FGF14: variants seen among roughly 807,000 people sequenced by gnomAD.
FGF14 encodes fibroblast growth factor 14, also known as fibroblast growth factor homologous factor 4.
Under a neutral mutation model 25.5 loss-of-function variants are expected in FGF14, and 5 were observed. The ratio of observed to expected loss-of-function variants is 0.20; its 90% CI spans 0.10 to 0.41. FGF14 has a LOEUF of 0.41. Ranked by LOEUF, FGF14 falls within the 10% of genes least tolerant of loss-of-function variation. FGF14 has a pLI of 1.00. For synonymous variants in FGF14, 138 were observed against 118.3 expected, an observed-to-expected ratio of 1.17 and a Z score of -1.08; for missense variants, 222 against 320.1, an observed-to-expected ratio of 0.69 and a Z score of 2.34.
At chr13:102,062,840 A>G (rs2042747657) in intron 1 of FGF14, among the ~76,000 whole-genome samples, 3 of 152,224 alleles carry the variant, frequency 2.0e-5, no homozygotes, top group Admixed American at 2.0e-4. Flanking sequence ...AGTGAAAGCT[A>G]TCTAGTTTTA....
chr13:102,285,010 A>G (rs1321580162), intron 1 of FGF14, among the ~76,000 whole-genome samples: 1 of 152,174 alleles, frequency 6.6e-6, no homozygotes, highest in Non-Finnish European at 1.5e-5. Flanking sequence ...GAAGGAAAAG[A>G]AGAGTCACCA....
At chr13:101,956,150 G>A (rs1239509544) in intron 1 of FGF14, among the ~76,000 whole-genome samples, 3 of 152,144 alleles carry the variant, frequency 2.0e-5, no homozygotes, top group Admixed American at 6.5e-5. Flanking sequence ...AGTTTCCCAG[G>A]CATGAGGCAT....
rs34550413 is a variant in FGF14 at position 102,041,527 on chromosome 13, TAAAA to T, written c.209-166235_209-166232del. ...TTGATTTAATGGTAAGTGAATTCCT[TAAAA>T]AAAAAAAACAGTGTATGTTAAGCCA... is the stretch of plus-strand genomic sequence containing the variant. On this transcript the variant is annotated intron_variant, in intron 1 of 4. Transcript: ENST00000376131. Among the ~76,000 whole-genome samples the T allele has an allele frequency of 1.5e-4, 18 of 123,954 alleles. No individual in the cohort carries two copies. In the South Asian group the frequency reaches 3.9e-3, roughly 27 times the overall value. 81.3% of individuals were successfully genotyped at this position (123,954 alleles called of 152,430 possible).
At chr13:102,347,787 T>G (rs1328501439) in intron 1 of FGF14, among the ~76,000 whole-genome samples, 1 of 152,100 alleles carries the variant, frequency 6.6e-6, no homozygotes, top group African/African-American at 2.4e-5. Context: ...CAGTCTACTT[T>G]TAACCCGAAA....
chr13:102,018,139 T>C (rs1178218586), intron 1 of FGF14, among the ~76,000 whole-genome samples: 1 of 152,166 alleles, frequency 6.6e-6, no homozygotes, highest in Non-Finnish European at 1.5e-5. Context: ...CAAATTTGTA[T>C]GTGAATGTTT....
chr13:101,997,780 T>C (rs1194751090), intron 1 of FGF14, among the ~76,000 whole-genome samples: 2 of 152,216 alleles, frequency 1.3e-5, no homozygotes, highest in Admixed American at 6.5e-5. Context: ...AGTAGGCCCC[T>C]AATAGAAGAG....
intron 1 of FGF14, among the ~76,000 whole-genome samples, chr13:101,878,555 T>C (rs79247185): frequency 2.0e-5 from 3 of 152,072 alleles, no homozygotes; most frequent in Admixed American, 2.0e-4. Flanking sequence ...GGATTAGAGG[T>C]GATACGAATA....
At chr13:102,016,053 A>T (rs1281800209) in intron 1 of FGF14, among the ~76,000 whole-genome samples, 1 of 151,502 alleles carries the variant, frequency 6.6e-6, no homozygotes, top group East Asian at 1.9e-4. Context: ...TCAATAAGAG[A>T]CAATAAAATT....
At chr13:101,872,955 A>G (rs973623927) in intron 2 of FGF14, among the ~76,000 whole-genome samples, 1 of 151,990 alleles carries the variant, frequency 6.6e-6, no homozygotes, top group African/African-American at 2.4e-5. Context: ...ACTGTGTCTC[A>G]CTAGCATTTA....
At chr13:102,006,328 T>C (rs571846567) in intron 1 of FGF14, among the ~76,000 whole-genome samples, 1 of 152,286 alleles carries the variant, frequency 6.6e-6, no homozygotes, top group Non-Finnish European at 1.5e-5. Context: ...TAAAGACAGC[T>C]GATGAAGAAC....
chr13:102,327,413 T>A (rs2056489560), intron 1 of FGF14, among the ~76,000 whole-genome samples: 1 of 152,208 alleles, frequency 6.6e-6, no homozygotes, highest in Non-Finnish European at 1.5e-5. Flanking sequence ...AGGGCAAGTA[T>A]CCATTGAATT....
At chr13:101,963,111 CA>C (rs1483290895) in intron 1 of FGF14, among the ~76,000 whole-genome samples, 1 of 152,230 alleles carries the variant, frequency 6.6e-6, no homozygotes, top group Non-Finnish European at 1.5e-5. Context: ...TGTTCACTCT[CA>C]ACTGCTGACA....
In FGF14 at chr13:102,036,426, G is replaced by A. The variant is rs558718353; in HGVS notation, c.209-161130C>T. Among the ~76,000 whole-genome samples the A allele has an allele frequency of 3.4e-3, 511 of 152,178 alleles. 6 individuals are homozygous for A. The highest frequency in any genetic ancestry group is 0.011 in the African/African-American group (470 of 41,530). On this transcript the variant is annotated intron_variant, in intron 1 of 4. Coordinates refer to the FGF14 transcript ENST00000376131. ...CCATGACTGAGACTCTAACCAAAAG[G>A]AGGGACAAAGTTTACCTCCAGCCAC... is the stretch of plus-strand genomic sequence containing the variant.
chr13:102,161,650 A>AAGAAGAAGAAGAAGAAGG (rs2047734259), intron 1 of FGF14, among the ~76,000 whole-genome samples: 1 of 42,848 alleles, frequency 2.3e-5, no homozygotes, highest in Non-Finnish European at 4.4e-5. Context: ...GAAGAAGAAG[A>AAGAAGAAGAAGAAGAAGG]AGAAGAAGAA....
intron 1 of FGF14, among the ~76,000 whole-genome samples, chr13:102,375,071 G>A (rs534111021): frequency 3.1e-4 from 47 of 152,194 alleles, no homozygotes; most frequent in African/African-American, 8.2e-4. Flanking sequence ...AACACAACTA[G>A]TTAAAGGGAG....
intron 1 of FGF14, among the ~76,000 whole-genome samples, chr13:102,253,536 G>A (rs9514003): frequency 0.15 from 23,384 of 151,982 alleles, 2,012 homozygotes; most frequent in East Asian, 0.39. Flanking sequence ...CTGTAAATTT[G>A]TTTAAGTTCT....
At chr13:101,957,181 T>C (rs975596698) in intron 1 of FGF14, among the ~76,000 whole-genome samples, 1 of 152,128 alleles carries the variant, frequency 6.6e-6, no homozygotes, top group Non-Finnish European at 1.5e-5. Flanking sequence ...AAACAGAATA[T>C]ACAATACAGA....
chr13:101,789,826 T>G (rs2040127579), intron 3 of FGF14, among the ~76,000 whole-genome samples: 1 of 86,698 alleles, frequency 1.2e-5, no homozygotes, highest in South Asian at 5.6e-4. Context: ...GACTTTTTAT[T>G]AAAAAGCTTC....
chr13:102,252,829 C>T (rs1344410256), intron 1 of FGF14, among the ~76,000 whole-genome samples: 1 of 152,098 alleles, frequency 6.6e-6, no homozygotes, highest in Non-Finnish European at 1.5e-5. Context: ...AGCTCCCCAC[C>T]CCACAACAGG....
Sources: allele counts gnomAD v4.1 joint callset (sites outside exome capture counted in the v4.1 genomes callset), GRCh38; gene constraint gnomAD v4.1.1; transcripts MANE v1.5; gene names NCBI Gene and HGNC (gene_info 2026-07-23, HGNC 2026-07-21).